The following CXADR variants were observed in gnomAD, a reference collection of about 807,000 sequenced individuals.
CXADR encodes the protein CXADR cell adhesion molecule.
Under a neutral mutation model 40.3 loss-of-function variants are expected in CXADR, and 20 were observed. The ratio of observed to expected loss-of-function variants is 0.50; its 90% CI spans 0.35 to 0.72. The LOEUF (loss-of-function observed/expected upper bound fraction) is 0.72, where lower values mean the gene tolerates loss of function less well. CXADR is among the 30% of genes least tolerant of loss of function. The pLI is 0.01. For missense variants in CXADR, 332 were observed against 449.1 expected (o/e 0.74, Z 2.36); for synonymous variants, 150 against 161.3 (o/e 0.93, Z 0.53).
the CXADR span, among the ~76,000 whole-genome samples, chr21:17,614,439 A>G: frequency 1.3e-5 from 2 of 152,212 alleles, no homozygotes; most frequent in Non-Finnish European, 2.9e-5. Flanking sequence ...CCCAATTTCA[A>G]AATGACTTTT....
chr21:17,557,481 T>C (rs746876969), intron 3 of CXADR, among the ~76,000 whole-genome samples: 14 of 152,192 alleles, frequency 9.2e-5, no homozygotes, highest in Non-Finnish European at 1.6e-4. Flanking sequence ...ATTCCGTGGT[T>C]CCTCGTAATG....
Position 17,547,148 on chromosome 21 carries a change from C to T in CXADR, c.165C>T (p.Ile55=), listed in dbSNP as rs61750210. ...LSPEDQGPLD[I]EWLISPADNQ... ...CCGAAGACCAGGGACCGCTGGACAT[C>T]GAGTGGCTGATATCACCAGCTGATA... The change falls in exon 2 of 7, where the codon ATC becomes ATT. Residue 55 remains isoleucine, a synonymous_variant. Coordinates refer to ENST00000284878, the MANE Select transcript of CXADR (RefSeq NM_001338.5). 1.9e-5 allele frequency: 31 copies of T among 1,614,138 alleles called. No individual in the cohort carries two copies. The highest frequency in any genetic ancestry group is 2.5e-5 in the Non-Finnish European group (30 of 1,180,036).
rs114560266 is a variant in CXADR, at chr21:17,579,234, G to A, written c.1017+13623G>A. ...ATGCAGATTTAACACATTTGTGACT[G>A]TGTGGATAGGATGTTATTAGACGGT... On this transcript the variant is annotated intron_variant, in intron 7 of 7. Transcript: ENST00000400169. Among the ~76,000 whole-genome samples, 806 of 152,180 alleles carry A rather than the reference G, an allele frequency of 5.3e-3. 10 individuals are homozygous for A. The highest frequency in any genetic ancestry group is 0.018 in the African/African-American group (755 of 41,530).
rs1008293990 is a variant in CXADR, at chr21:17,566,290, C to A, written c.*598C>A. 7.1e-6 allele frequency: 7 copies of A among 981,700 alleles called. No individual in the cohort carries two copies. The African/African-American group carries it at 1.2e-4, about 17-fold the overall frequency. 60.8% of individuals were successfully genotyped at this position (981,700 alleles called of 1,614,324 possible). A position where few individuals can be genotyped will look rare whatever the true frequency, so the allele number is the denominator to read the frequency against. ...TTTTACTTCTAAGTCATTCATAAAC[C>A]TTGTCTATGAAATGACTTCTTAAAT... On this transcript the variant is annotated 3_prime_UTR_variant, in exon 7 of 7. Transcript: ENST00000284878.
chr21:17,530,244 C>T (rs939943683), intron 1 of CXADR, among the ~76,000 whole-genome samples: 1 of 150,226 alleles, frequency 6.7e-6, no homozygotes, highest in African/African-American at 2.4e-5. Context: ...GGATTACAGG[C>T]GTGAGCCACT....
In CXADR at chr21:17,548,394, CT is replaced by C. The variant is rs376486859; in HGVS notation, c.210+1204del. Among the ~76,000 whole-genome samples the C allele has an allele frequency of 3.3e-4, 51 of 152,290 alleles. No homozygotes were observed. The South Asian group carries it at 0.011, about 32-fold the overall frequency. On this transcript the variant is annotated intron_variant, in intron 2 of 6. Coordinates refer to ENST00000284878, the MANE Select transcript of CXADR (RefSeq NM_001338.5). The stretch of plus-strand genomic sequence containing the variant: ...TGCCCTGATTCTGTTACCAGAACTT[CT>C]TTCTGTTTCCCTGAGCAAAATAAAT...
the CXADR span, among the ~76,000 whole-genome samples, chr21:17,604,576 C>T: frequency 1.3e-5 from 2 of 152,134 alleles, no homozygotes; most frequent in Admixed American, 6.6e-5. Flanking sequence ...ATAATAGACA[C>T]CTAGCGGAAT....
At chr21:17,612,005 T>C in the CXADR span, 1 of 151,904 alleles carries the variant, frequency 6.6e-6, no homozygotes. Flanking sequence ...AGAGGGGAAA[T>C]AATTTTCCAA....
chr21:17,626,162 T>C, the CXADR span, among the ~76,000 whole-genome samples: 3 of 152,222 alleles, frequency 2.0e-5, no homozygotes, highest in Non-Finnish European at 4.4e-5. Flanking sequence ...ATTTTTCATA[T>C]ACGGACAGAC....
At chr21:17,634,174 A>G in the CXADR span, among the ~76,000 whole-genome samples, 12 of 152,220 alleles carry the variant, frequency 7.9e-5, no homozygotes, top group Non-Finnish European at 1.3e-4. Context: ...TTAAAAGCTC[A>G]TGAACCCAAG....
the CXADR span, among the ~76,000 whole-genome samples, chr21:17,630,327 G>A: frequency 3.3e-5 from 5 of 152,212 alleles, no homozygotes; most frequent in South Asian, 2.1e-4. Flanking sequence ...TCACACTTGC[G>A]TAATTGCTTT....
downstream of CXADR, among the ~76,000 whole-genome samples, chr21:17,571,775 C>CTAT (rs1362920643): frequency 6.6e-6 from 1 of 152,148 alleles, no homozygotes; most frequent in Non-Finnish European, 1.5e-5. Flanking sequence ...CAAAAAGAAG[C>CTAT]TATTAGGTTT....
intron 1 of CXADR, among the ~76,000 whole-genome samples, chr21:17,545,465 C>A (rs964328290): frequency 1.1e-4 from 16 of 152,010 alleles, no homozygotes; most frequent in Admixed American, 9.8e-4. Context: ...CTTGCTTTGT[C>A]ACCCAGGCTG....
At chr21:17,517,865 A>T (rs1485412879) in intron 1 of CXADR, among the ~76,000 whole-genome samples, 1 of 152,234 alleles carries the variant, frequency 6.6e-6, no homozygotes, top group East Asian at 1.9e-4. Context: ...TTTAGGAAGC[A>T]AGCTAGTAAA....
chr21:17,613,316 G>A, the CXADR span: 1 of 152,386 alleles, frequency 6.6e-6, no homozygotes, highest in Non-Finnish European at 1.5e-5. Flanking sequence ...CCCTCAGGGC[G>A]GAATGGCGAG....
the CXADR span, among the ~76,000 whole-genome samples, chr21:17,628,532 G>A: frequency 1.3e-5 from 2 of 151,546 alleles, no homozygotes; most frequent in East Asian, 1.9e-4. Context: ...ACGGAGTCTC[G>A]CTCTGTCGTC....
At chr21:17,547,672 C>T (rs1473042646) in intron 2 of CXADR, among the ~76,000 whole-genome samples, 1 of 152,182 alleles carries the variant, frequency 6.6e-6, no homozygotes, top group Non-Finnish European at 1.5e-5. Flanking sequence ...GGTGTAACAA[C>T]TACATAGTAT....
intron 1 of CXADR, chr21:17,518,759 C>G: frequency 6.3e-7 from 1 of 1,586,612 alleles, no homozygotes; most frequent in African/African-American, 1.3e-5. Flanking sequence ...AAGGTGTTAG[C>G]AGAAAGGGAA....
intron 7 of CXADR, chr21:17,593,004 T>C (rs1490142858): frequency 3.4e-6 from 2 of 589,594 alleles, no homozygotes; most frequent in Non-Finnish European, 2.5e-6. Flanking sequence ...TAGCAAGTTG[T>C]GATTTTTCTG....
Sources: gnomAD v4.1 joint callset for allele counts (sites outside exome capture counted in the v4.1 genomes callset) on GRCh38, gnomAD v4.1.1 for gene constraint, MANE v1.5 for transcripts, NCBI Gene and HGNC (gene_info 2026-07-23, HGNC 2026-07-21) for gene names.